Variants in TMEM167B observed in about 807,000 individuals in gnomAD.
TMEM167B encodes the protein protein kish-B.
TMEM167B carries 2 observed loss-of-function variants against 9.4 expected under a neutral mutation model. That is an observed-to-expected ratio of 0.21 (90% confidence interval 0.09 to 0.67). The LOEUF is 0.67. Ranked by LOEUF, TMEM167B falls within the 30% of genes least tolerant of loss-of-function variation. The probability of loss-of-function intolerance (pLI) is 0.82; values close to 1 mark genes in which losing one functional copy is unlikely to be tolerated. For synonymous variants in TMEM167B, 28 were observed against 32.0 expected (o/e 0.87, Z 0.42); for missense variants, 68 against 87.6 (o/e 0.78, Z 0.89).
chr1:109,094,552 A>G lies in TMEM167B; in HGVS notation c.*53A>G. 1 of 1,579,412 alleles carries G rather than the reference A, an allele frequency of 6.3e-7. No individual in the cohort carries two copies. Among genetic ancestry groups the G allele is most frequent in the East Asian group, 2.2e-5 (1 of 44,702 alleles). On this transcript the variant is annotated 3_prime_UTR_variant, in exon 3 of 3. Transcript: ENST00000338272. ...CCAACCAAGGGGACGGGGATGAAGA[A>G]CCTGTTGGAGACCTGAACCCAGTGT...
In TMEM167B at chr1:109,092,755, A is replaced by G. The variant is rs1171189745; in HGVS notation, c.11-135A>G. 7.1e-6 allele frequency: 7 copies of G among 992,846 alleles called. No individual in the cohort carries two copies. In the African/African-American group the frequency reaches 8.1e-5, roughly 12 times the overall value. The allele number at this position is 992,846 out of a possible 1,614,324, so 61.5% of individuals were successfully genotyped here. A position where few individuals can be genotyped will look rare whatever the true frequency, so the allele number is the denominator to read the frequency against. ...CCCAGGATCCTGGCTCCCCCTTGTC[A>G]AGTGTCAGTACTGCCTGTTGAGGTT... On this transcript the variant is annotated intron_variant, in intron 1 of 2. Coordinates refer to ENST00000338272, the MANE Select transcript of TMEM167B (RefSeq NM_020141.4).
intron 1 of TMEM167B, among the ~76,000 whole-genome samples, chr1:109,092,262 T>G (rs1406343981): frequency 6.6e-6 from 1 of 152,202 alleles, no homozygotes; most frequent in Non-Finnish European, 1.5e-5. Flanking sequence ...TGTAAGATAA[T>G]GATAGGAAAA....
At chr1:109,094,383 C>T (rs186993621) in intron 2 of TMEM167B, 34 bp from the exon 3 acceptor site, 3 of 1,607,488 alleles carry the variant, frequency 1.9e-6, no homozygotes, top group African/African-American at 2.7e-5. Context: ...CGGTGAAGGG[C>T]AGGGTGTGAT....
At chr1:109,092,825 A>G in intron 1 of TMEM167B, 65 bp from the exon 2 acceptor site, 1 of 1,577,634 alleles carries the variant, frequency 6.3e-7, no homozygotes, top group Non-Finnish European at 8.6e-7. Context: ...TAGAGTTCTC[A>G]GGCGGGATCA....
rs1033357830 is a variant in TMEM167B at position 109,095,103 on chromosome 1, C to A, written c.*604C>A. On this transcript the variant is annotated 3_prime_UTR_variant, in exon 3 of 3. Transcript: ENST00000338272. ...ACAGATGAAGTAGCTGTGTTATGTG[C>A]TGGTATCTTGAGAGTTTTGCCAAGA... is the stretch of plus-strand genomic sequence containing the variant. 1.3e-5 allele frequency: 2 copies of A among 152,222 alleles called. No homozygotes were observed. Among genetic ancestry groups the A allele is most frequent in the African/African-American group, 4.8e-5 (2 of 41,434 alleles). 9.4% of individuals were successfully genotyped at this position (152,222 alleles called of 1,614,324 possible).
At chr1:109,092,719 A>C (rs1664478036) in intron 1 of TMEM167B, among the ~76,000 whole-genome samples, 171 bp from the exon 2 acceptor site, 1 of 152,110 alleles carries the variant, frequency 6.6e-6, no homozygotes, top group African/African-American at 2.4e-5. Flanking sequence ...CAGTAAAATA[A>C]TCGTGTTAGT....
chr1:109,090,940 G>C (rs1042736485), intron 1 of TMEM167B, 58 bp downstream of exon 1: 55 of 1,544,606 alleles, frequency 3.6e-5, no homozygotes, highest in Non-Finnish European at 4.5e-5. Flanking sequence ...AAAACGTGGC[G>C]GGCGGGGCCG....
chr1:109,094,709 A>G lies in TMEM167B; in HGVS notation c.*210A>G. 1 of 582,282 alleles carries G rather than the reference A, an allele frequency of 1.7e-6. No individual in the cohort carries two copies. The highest frequency in any genetic ancestry group is 2.0e-5 in the South Asian group (1 of 49,128). The allele number at this position is 582,282 out of a possible 1,614,324, so 36.1% of individuals were successfully genotyped here. ...GACTACAGAAAGCCAGCTTCCTTTG[A>G]TCTATGTGTAAATCAGTCCTTGGCA... On this transcript the variant is annotated 3_prime_UTR_variant, in exon 3 of 3. Coordinates refer to ENST00000338272, the MANE Select transcript of TMEM167B (RefSeq NM_020141.4).
rs921400669 is a variant in TMEM167B, at chr1:109,095,827, A to T, written c.*1328A>T. The T allele has an allele frequency of 1.3e-5, 2 of 152,190 alleles. No individual in the cohort carries two copies. Among genetic ancestry groups the T allele is most frequent in the Non-Finnish European group, 2.9e-5 (2 of 68,046 alleles). 9.4% of individuals were successfully genotyped at this position (152,190 alleles called of 1,614,324 possible). A position where few individuals can be genotyped will look rare whatever the true frequency, so the allele number is the denominator to read the frequency against. On this transcript the variant is annotated 3_prime_UTR_variant, in exon 3 of 3. Transcript: ENST00000338272. ...CTGAGCAGACCATTTTAGATGGCTCAGCATTTGGCAGGAAGACTTCTCCAT... is the reference window on the plus strand; with the variant it reads ...CTGAGCAGACCATTTTAGATGGCTCTGCATTTGGCAGGAAGACTTCTCCAT...
At position 109,092,938 on chromosome 1, in the gene TMEM167B, C is replaced by T. The variant is rs564982121; in HGVS notation, c.59C>T (p.Thr20Ile). Residue 20 changes from threonine (T) to isoleucine (I), a missense_variant, in exon 2 of 3, where the codon ACC becomes ATC. Physicochemically the swap from Thr to Ile is moderately conservative, Grantham distance 89. Coordinates refer to ENST00000338272, the MANE Select transcript of TMEM167B (RefSeq NM_020141.4). ...GTGTTTGGTTTGCTCTTTGTTTGCA[C>T]CTGTGCCTACTTCAAGAAAGTACCT... ...ILVFGLLFVC[T>I]CAYFKKVPRL... 3 of 1,614,092 alleles carry T rather than the reference C, an allele frequency of 1.9e-6. No homozygotes were observed. Among genetic ancestry groups the T allele is most frequent in the South Asian group, 1.1e-5 (1 of 91,066 alleles).
At chr1:109,093,184 T>A (rs936137603) in intron 2 of TMEM167B, 163 bp downstream of exon 2, 2 of 1,061,114 alleles carry the variant, frequency 1.9e-6, no homozygotes, top group Non-Finnish European at 2.7e-6. Context: ...TCTCCAAAGT[T>A]GAGGGAAGAG....
chr1:109,090,814 A>G lies in TMEM167B; in HGVS notation c.-59A>G, dbSNP rs758688695. ...GGAAGTGTCAAGCGGGCGCTCCCCC[A>G]TCTCCGCCGCTATTACCACTGAACC... is the stretch of plus-strand genomic sequence containing the variant. On this transcript the variant is annotated 5_prime_UTR_variant, in exon 1 of 3. Transcript: ENST00000338272. The G allele has an allele frequency of 3.9e-5, 61 of 1,560,978 alleles. No homozygotes were observed. The highest frequency in any genetic ancestry group is 4.9e-5 in the Non-Finnish European group (57 of 1,152,126).
At chr1:109,094,359 G>C in intron 2 of TMEM167B, 58 bp from the exon 3 acceptor site, 1 of 1,547,902 alleles carries the variant, frequency 6.5e-7, no homozygotes, top group Non-Finnish European at 8.9e-7. Context: ...ATATCACCTT[G>C]AAAGTGAGGA....
rs1664428353 is a variant in TMEM167B at position 109,090,801 on chromosome 1, C to G, written c.-72C>G. The G allele has an allele frequency of 1.3e-6, 2 of 1,543,488 alleles. No homozygotes were observed. The highest frequency in any genetic ancestry group is 1.4e-5 in the African/African-American group (1 of 72,968). Reference sequence around the variant, plus strand: ...TCGGCCCGGATCGGGAAGTGTCAAGCGGGCGCTCCCCCATCTCCGCCGCTA... The same window carrying G: ...TCGGCCCGGATCGGGAAGTGTCAAGGGGGCGCTCCCCCATCTCCGCCGCTA... On this transcript the variant is annotated 5_prime_UTR_variant, in exon 1 of 3. Transcript: ENST00000338272.
chr1:109,096,162 T>C lies in TMEM167B; in HGVS notation c.*1663T>C, dbSNP rs1189622300. On this transcript the variant is annotated 3_prime_UTR_variant, in exon 3 of 3. Transcript: ENST00000338272. ...AGAAAGTCATCAAGTAAACACTGCA[T>C]GTCTAATCATCTCAGAGTTGTGGCT... 1 of 152,244 alleles carries C rather than the reference T, an allele frequency of 6.6e-6. No homozygotes were observed. The highest frequency in any genetic ancestry group is 1.5e-5 in the Non-Finnish European group (1 of 68,034). The allele number at this position is 152,244 out of a possible 1,614,324, so 9.4% of individuals were successfully genotyped here.
chr1:109,096,277 A>G lies in TMEM167B; in HGVS notation c.*1778A>G, dbSNP rs1375659953. On this transcript the variant is annotated 3_prime_UTR_variant, in exon 3 of 3. Transcript: ENST00000338272. ...TTCTGAGGACCTTTGAGATGAGAGAAAGGAAATCTAGTGGAACAGGAAAGA... is the reference window on the plus strand; with the variant it reads ...TTCTGAGGACCTTTGAGATGAGAGAGAGGAAATCTAGTGGAACAGGAAAGA... 6.6e-6 allele frequency: 1 copy of G among 152,202 alleles called. No homozygotes were observed. The highest frequency in any genetic ancestry group is 2.4e-5 in the African/African-American group (1 of 41,456). 9.4% of individuals were successfully genotyped at this position (152,202 alleles called of 1,614,324 possible).
chr1:109,091,506 CTT>C (rs1219070924), intron 1 of TMEM167B, among the ~76,000 whole-genome samples: 27 of 152,182 alleles, frequency 1.8e-4, no homozygotes, highest in Non-Finnish European at 2.8e-4. Flanking sequence ...TCTTCAAACA[CTT>C]TATGAATTCT....
Position 109,094,459 on chromosome 1 carries a change from C to T in TMEM167B, c.185C>T (p.Ala62Val). The change falls in exon 3 of 3, where the codon GCT (alanine) becomes GTT (valine). Residue 62 changes from alanine to valine, a missense_variant. Ala to Val is a moderately conservative substitution (Grantham distance 64). Coordinates refer to ENST00000338272, the MANE Select transcript of TMEM167B (RefSeq NM_020141.4). ...AGGCTGCATGCTGCTGTGGCAATTG[C>T]TTGTGTTGTAATGGCCTTTTACGTC... Reference protein sequence around the residue: ...GTRLHAAVAIACVVMAFYVLF... With the variant: ...GTRLHAAVAIVCVVMAFYVLF... 1 of 1,614,096 alleles carries T rather than the reference C, an allele frequency of 6.2e-7. No individual in the cohort carries two copies.
chr1:109,093,070 G>A (rs760030712), intron 2 of TMEM167B, 49 bp downstream of exon 2: 2 of 1,607,912 alleles, frequency 1.2e-6, no homozygotes, highest in South Asian at 2.2e-5. Flanking sequence ...TCTGGACAGT[G>A]TGGAGCTACA....
Sources: gnomAD v4.1 joint callset for allele counts (sites outside exome capture counted in the v4.1 genomes callset) on GRCh38, gnomAD v4.1.1 for gene constraint, MANE v1.5 for transcripts, NCBI Gene and HGNC (gene_info 2026-07-23, HGNC 2026-07-21) for gene names.